KCNJ6: variants seen among roughly 807,000 people sequenced by gnomAD.
KCNJ6 encodes G protein-activated inward rectifier potassium channel 2.
A neutral mutation model predicts 34.2 loss-of-function variants in KCNJ6; 9 were observed. The observed-to-expected ratio is 0.26, with a 90% CI of 0.16 to 0.46. The LOEUF (loss-of-function observed/expected upper bound fraction) is 0.46, where lower values mean the gene tolerates loss of function less well. KCNJ6 is among the 20% of genes least tolerant of loss of function. KCNJ6 has a pLI of 1.00. For synonymous variants in KCNJ6, 196 were observed against 207.1 expected (o/e 0.95, Z 0.46); for missense variants, 236 against 531.3 (o/e 0.44, Z 5.46).
Position 37,782,009 on chromosome 21 carries a change from C to T in KCNJ6, c.25+58649G>A, listed in dbSNP as rs2055171669. Among the ~76,000 whole-genome samples, 3 of 152,316 alleles carry T rather than the reference C, an allele frequency of 2.0e-5. No homozygotes were observed. In the South Asian group the frequency reaches 6.2e-4, roughly 32 times the overall value. ...GTTGCAGATGTGATTCTGTCAATAA[C>T]CTTGAGAAGGGGAGATTATCCGGGA... On this transcript the variant is annotated intron_variant, in intron 2 of 3. Coordinates refer to ENST00000609713, the MANE Select transcript of KCNJ6 (RefSeq NM_002240.5).
chr21:37,657,062 G>C (rs1428798817), intron 3 of KCNJ6, among the ~76,000 whole-genome samples: 1 of 152,118 alleles, frequency 6.6e-6, no homozygotes, highest in Non-Finnish European at 1.5e-5. Flanking sequence ...GTCCTGCCCT[G>C]GTACCCACAT....
At chr21:37,661,203 TC>T (rs888070730) in intron 3 of KCNJ6, among the ~76,000 whole-genome samples, 69 of 152,288 alleles carry the variant, frequency 4.5e-4, no homozygotes, top group African/African-American at 1.6e-3. Context: ...CCCTCCCCAC[TC>T]CCACCTTTTG....
chr21:37,768,318 C>G (rs2055101149), intron 2 of KCNJ6, among the ~76,000 whole-genome samples: 2 of 152,240 alleles, frequency 1.3e-5, no homozygotes, highest in South Asian at 4.1e-4. Context: ...AGGTGCTGTT[C>G]TATTTCAGCT....
intron 1 of KCNJ6, among the ~76,000 whole-genome samples, chr21:37,871,427 T>C (rs2055651675): frequency 6.6e-6 from 1 of 152,166 alleles, no homozygotes; most frequent in Admixed American, 6.5e-5. Context: ...ATATAGACCC[T>C]GTACACCTCC....
At chr21:37,692,098 G>C (rs142994810) in intron 3 of KCNJ6, among the ~76,000 whole-genome samples, 33 of 152,190 alleles carry the variant, frequency 2.2e-4, no homozygotes, top group African/African-American at 7.9e-4. Flanking sequence ...TAATGCATGC[G>C]GGGCTTAAAA....
At chr21:37,845,522 G>A (rs1290395321) in intron 1 of KCNJ6, among the ~76,000 whole-genome samples, 1 of 152,186 alleles carries the variant, frequency 6.6e-6, no homozygotes, top group Admixed American at 6.5e-5. Flanking sequence ...TCTCATCTGT[G>A]AAGTGGGGAT....
chr21:37,887,842 T>A (rs1021583786), intron 1 of KCNJ6, among the ~76,000 whole-genome samples: 2 of 152,330 alleles, frequency 1.3e-5, no homozygotes. Context: ...CTTCTCTTTT[T>A]CCTATCCTGC....
At chr21:37,647,804 G>GC (rs1231066410) in intron 3 of KCNJ6, among the ~76,000 whole-genome samples, 2 of 152,102 alleles carry the variant, frequency 1.3e-5, no homozygotes, top group Non-Finnish European at 2.9e-5. Context: ...GAACACCTCT[G>GC]CCCCCCAATG....
chr21:37,843,945 A>G (rs563086590), intron 1 of KCNJ6, among the ~76,000 whole-genome samples: 27 of 152,168 alleles, frequency 1.8e-4, no homozygotes, highest in Non-Finnish European at 3.2e-4. Context: ...CTCATTCACA[A>G]CAATGTCCCT....
At chr21:37,875,759 C>A (rs530302217) in intron 1 of KCNJ6, among the ~76,000 whole-genome samples, 3 of 152,312 alleles carry the variant, frequency 2.0e-5, no homozygotes, top group African/African-American at 7.2e-5. Flanking sequence ...TGCCCACAAA[C>A]CCGGCCTCCA....
chr21:37,790,674 T>A (rs1429569972), intron 2 of KCNJ6, among the ~76,000 whole-genome samples: 4 of 152,232 alleles, frequency 2.6e-5, no homozygotes, highest in South Asian at 2.1e-4. Context: ...CTGCTACCTG[T>A]AGGGGACCTA....
At chr21:37,857,639 G>A (rs1243257433) in intron 1 of KCNJ6, among the ~76,000 whole-genome samples, 1 of 152,152 alleles carries the variant, frequency 6.6e-6, no homozygotes, top group Admixed American at 6.6e-5. Flanking sequence ...TAGCCCAAGA[G>A]ACTTCTTGCT....
chr21:37,860,345 C>T (rs1257874289), intron 1 of KCNJ6, among the ~76,000 whole-genome samples: 1 of 152,154 alleles, frequency 6.6e-6, no homozygotes, highest in African/African-American at 2.4e-5. Flanking sequence ...CTTATGGCCT[C>T]CCACCATCCT....
chr21:37,740,918 C>A (rs902453539), intron 2 of KCNJ6, among the ~76,000 whole-genome samples: 1 of 152,224 alleles, frequency 6.6e-6, no homozygotes. Flanking sequence ...CTGACCAATT[C>A]TCCTTCTCAG....
intron 3 of KCNJ6, among the ~76,000 whole-genome samples, chr21:37,676,686 G>A (rs940177608): frequency 6.6e-5 from 10 of 152,234 alleles, no homozygotes; most frequent in African/African-American, 2.4e-4. Flanking sequence ...GGTTGTGTTG[G>A]CCCAAGTGGG....
intron 3 of KCNJ6, among the ~76,000 whole-genome samples, chr21:37,667,799 C>T (rs1328756916): frequency 6.6e-6 from 1 of 152,080 alleles, no homozygotes; most frequent in East Asian, 1.9e-4. Context: ...ATATTGCCCT[C>T]TGTCTCCCGG....
chr21:37,797,001 G>A (rs1258682766), intron 2 of KCNJ6, among the ~76,000 whole-genome samples: 3 of 151,562 alleles, frequency 2.0e-5, no homozygotes, highest in Non-Finnish European at 4.4e-5. Context: ...CACCTTGTTA[G>A]CCAGGATGGT....
At chr21:37,901,764 C>T (rs1383397423) in intron 1 of KCNJ6, among the ~76,000 whole-genome samples, 2 of 152,190 alleles carry the variant, frequency 1.3e-5, no homozygotes, top group African/African-American at 4.8e-5. Context: ...GGTCATTATT[C>T]TAGTCTTAAA....
chr21:37,793,404 G>A (rs934192358), intron 2 of KCNJ6, among the ~76,000 whole-genome samples: 17 of 152,160 alleles, frequency 1.1e-4, no homozygotes, highest in Non-Finnish European at 1.9e-4. Context: ...GGTGGCACAG[G>A]CAGACACAAC....
Sources: gnomAD v4.1 joint callset for allele counts (sites outside exome capture counted in the v4.1 genomes callset) on GRCh38, gnomAD v4.1.1 for gene constraint, MANE v1.5 for transcripts, NCBI Gene and HGNC (gene_info 2026-07-23, HGNC 2026-07-21) for gene names.